The following PTK7 variants were observed in gnomAD, a reference collection of about 807,000 sequenced individuals.
PTK7 encodes inactive tyrosine-protein kinase 7.
A neutral mutation model predicts 116.6 loss-of-function variants in PTK7; 39 were observed. The ratio of observed to expected loss-of-function variants is 0.33; its 90% CI spans 0.26 to 0.44. PTK7 has a LOEUF of 0.44. Ranked by LOEUF, PTK7 falls within the 20% of genes least tolerant of loss-of-function variation. The pLI, the probability that PTK7 is intolerant of heterozygous loss-of-function variation, is 1.00. For missense variants in PTK7, 1,169 were observed against 1,425.6 expected (o/e 0.82, Z 2.90); for synonymous variants, 546 against 563.6 (o/e 0.97, Z 0.44).
intron 1 of PTK7, among the ~76,000 whole-genome samples, chr6:43,122,010 C>T (rs1324574120): frequency 4.6e-5 from 7 of 152,156 alleles, no homozygotes; most frequent in African/African-American, 1.7e-4. Flanking sequence ...GGCATGCAGG[C>T]ACGTGCCTGT....
Position 43,145,568 on chromosome 6 carries a change from C to T in PTK7, c.2640+136C>T, listed in dbSNP as rs554455109. ...CCGAGACCTCACCTGCCTGCTGTTA[C>T]ACTTTGCCCACCTTATGATGCTCAG... is the stretch of plus-strand genomic sequence containing the variant. On this transcript the variant is annotated intron_variant, in intron 16 of 19. Coordinates refer to ENST00000230419, the MANE Select transcript of PTK7 (RefSeq NM_002821.5). The surrounding 1 kb of genome is among the most constrained non-coding windows in gnomAD (Gnocchi z 4.8). 2 of 598,934 alleles carry T rather than the reference C, an allele frequency of 3.3e-6. No homozygotes were observed. Among genetic ancestry groups the T allele is most frequent in the South Asian group, 7.8e-5 (2 of 25,652 alleles). 37.1% of individuals were successfully genotyped at this position (598,934 alleles called of 1,614,324 possible).
intron 1 of PTK7, among the ~76,000 whole-genome samples, chr6:43,087,113 A>T (rs752446544): frequency 2.0e-5 from 3 of 152,168 alleles, no homozygotes; most frequent in Admixed American, 6.5e-5. Flanking sequence ...TCTGCCTCCT[A>T]TGGTGGTGGG....
At chr6:43,083,366 A>G (rs1766480613) in intron 1 of PTK7, among the ~76,000 whole-genome samples, 1 of 152,116 alleles carries the variant, frequency 6.6e-6, no homozygotes. Flanking sequence ...TCTGGCCCCC[A>G]TCTGCCTGGT....
At chr6:43,109,808 C>T (rs896064210) in intron 1 of PTK7, among the ~76,000 whole-genome samples, 1 of 151,098 alleles carries the variant, frequency 6.6e-6, no homozygotes, top group East Asian at 2.0e-4. Context: ...ACACCATTCT[C>T]CTGGCTTAGC....
chr6:43,139,998 C>T lies in PTK7; in HGVS notation c.1618+473C>T, dbSNP rs1358415046. Among the ~76,000 whole-genome samples the T allele has an allele frequency of 6.6e-6, 1 of 152,146 alleles. No individual in the cohort carries two copies. Among genetic ancestry groups the T allele is most frequent in the Non-Finnish European group, 1.5e-5 (1 of 68,044 alleles). On this transcript the variant is annotated intron_variant, in intron 10 of 19. Coordinates refer to ENST00000230419, the MANE Select transcript of PTK7 (RefSeq NM_002821.5). This position sits in a 1 kb window ranked among gnomAD's most constrained non-coding sequence, Gnocchi z 4.6. ...GCGTGGTGGCACATGCTTGCAATCC[C>T]AGCTGCTTAGGAGGCTGAAGCAGGA... is the stretch of plus-strand genomic sequence containing the variant.
rs1419726470 is a variant in PTK7 at position 43,085,920 on chromosome 6, C to T, written c.79+9353C>T. Among the ~76,000 whole-genome samples the T allele has an allele frequency of 5.8e-5, 8 of 138,284 alleles. No homozygotes were observed. The South Asian group carries it at 6.8e-4, about 12-fold the overall frequency. 90.7% of individuals were successfully genotyped at this position (138,284 alleles called of 152,430 possible). A position where few individuals can be genotyped will look rare whatever the true frequency, so the allele number is the denominator to read the frequency against. On this transcript the variant is annotated intron_variant, in intron 1 of 19. Transcript: ENST00000230419. ...TGCACTCCAGCCTGGGCAACAAGAG[C>T]GAAACTCTGTCTCAAAAAAAAAAAA... is the stretch of plus-strand genomic sequence containing the variant.
chr6:43,157,386 T>C (rs1256779444), intron 17 of PTK7, among the ~76,000 whole-genome samples: 2 of 113,986 alleles, frequency 1.8e-5, no homozygotes, highest in South Asian at 3.0e-4. Context: ...CTTTTTTTTT[T>C]TTTTTTTTTA....
chr6:43,158,216 G>A (rs570933132), intron 17 of PTK7, among the ~76,000 whole-genome samples: 29 of 151,822 alleles, frequency 1.9e-4, no homozygotes, highest in South Asian at 8.4e-4. Context: ...GGAGAATGGC[G>A]TGAACCCGGG....
At position 43,143,943 on chromosome 6, in the gene PTK7, A is replaced by T. The variant is rs1476958975; in HGVS notation, c.2251+323A>T. On this transcript the variant is annotated intron_variant, in intron 14 of 19. Transcript: ENST00000230419. This position sits in a 1 kb window ranked among gnomAD's most constrained non-coding sequence, Gnocchi z 4.2. ...GCTGTTGCATGTCTTGTCTCCCTCT[A>T]TGAGTCTAAGAGCTCCCCCAGGGGC... Among the ~76,000 whole-genome samples the T allele has an allele frequency of 6.6e-6, 1 of 152,226 alleles. No homozygotes were observed. Among genetic ancestry groups the T allele is most frequent in the East Asian group, 1.9e-4 (1 of 5,174 alleles).
chr6:43,122,986 G>A (rs929193079), intron 1 of PTK7, among the ~76,000 whole-genome samples: 2 of 152,080 alleles, frequency 1.3e-5, no homozygotes, highest in African/African-American at 2.4e-5. Flanking sequence ...GGGTGTGGGA[G>A]ATCCTGCAAT....
chr6:43,086,194 C>A (rs1455887204), intron 1 of PTK7, among the ~76,000 whole-genome samples: 1 of 152,098 alleles, frequency 6.6e-6, no homozygotes, highest in African/African-American at 2.4e-5. Flanking sequence ...GCAGCCTAGG[C>A]AGACTTTTAT....
At chr6:43,078,529 G>T (rs1766189507) in intron 1 of PTK7, among the ~76,000 whole-genome samples, 1 of 151,898 alleles carries the variant, frequency 6.6e-6, no homozygotes. Flanking sequence ...TGACTTCAGG[G>T]GCAACGGTTT....
chr6:43,110,472 G>A (rs1377335689), intron 1 of PTK7, among the ~76,000 whole-genome samples: 1 of 151,716 alleles, frequency 6.6e-6, no homozygotes, highest in Non-Finnish European at 1.5e-5. Flanking sequence ...GAGTACAGTG[G>A]CGCAATCTTG....
At chr6:43,086,031 C>CCACACA (rs888782606) in intron 1 of PTK7, among the ~76,000 whole-genome samples, 3 of 152,032 alleles carry the variant, frequency 2.0e-5, no homozygotes, top group Admixed American at 6.6e-5. Context: ...AATGTGGGAG[C>CCACACA]CACACACAGC....
chr6:43,105,782 A>G (rs185768686), intron 1 of PTK7, among the ~76,000 whole-genome samples: 2 of 152,170 alleles, frequency 1.3e-5, no homozygotes, highest in Admixed American at 6.5e-5. Context: ...CACCAGGAGC[A>G]AGGACAGAGG....
At chr6:43,137,830 G>T (rs78673387) in intron 7 of PTK7, among the ~76,000 whole-genome samples, 1 of 151,938 alleles carries the variant, frequency 6.6e-6, no homozygotes, top group African/African-American at 2.4e-5. Flanking sequence ...TATTTGAGAT[G>T]GAGTCTCACT....
Position 43,141,810 on chromosome 6 carries a change from T to G in PTK7, c.1761T>G (p.Thr587=). The change falls in exon 11 of 20, where the codon ACT becomes ACG. Residue 587 remains threonine (T), a synonymous_variant. Coordinates refer to ENST00000230419, the MANE Select transcript of PTK7 (RefSeq NM_002821.5). The surrounding 1 kb of genome is among the most constrained non-coding windows in gnomAD (Gnocchi z 4.9). ...QGQIRAHVQL[T]VAVFITFKVE... ...AGATTCGTGCCCATGTCCAGCTCACTGTGGCAGGTGCGACCGTGGCAGGGC... is the reference window on the plus strand; with the variant it reads ...AGATTCGTGCCCATGTCCAGCTCACGGTGGCAGGTGCGACCGTGGCAGGGC... 6.2e-7 allele frequency: 1 copy of G among 1,613,592 alleles called. No individual in the cohort carries two copies. The highest frequency in any genetic ancestry group is 2.2e-5 in the East Asian group (1 of 44,860).
intron 1 of PTK7, among the ~76,000 whole-genome samples, chr6:43,092,340 A>C (rs1766997593): frequency 6.6e-6 from 1 of 150,836 alleles, no homozygotes; most frequent in South Asian, 2.1e-4. Flanking sequence ...CGCCCAGCTA[A>C]ATTTTTGTAG....
At chr6:43,136,844 TAAAAAA>T (rs1179078341) in intron 7 of PTK7, among the ~76,000 whole-genome samples, 1 of 149,438 alleles carries the variant, frequency 6.7e-6, no homozygotes, top group African/African-American at 2.5e-5. Context: ...CTACTAAAAA[TAAAAAA>T]AAAATTAGCT....
Sources: allele counts gnomAD v4.1 joint callset (sites outside exome capture counted in the v4.1 genomes callset), GRCh38; gene constraint gnomAD v4.1.1; non-coding constraint Gnocchi (gnomAD v3.1); transcripts MANE v1.5; gene names NCBI Gene and HGNC (gene_info 2026-07-23, HGNC 2026-07-21).